SIAE: variants seen among roughly 807,000 people sequenced by gnomAD.
SIAE encodes sialate O-acetylesterase.
In SIAE, 39 loss-of-function variants were observed where a neutral mutation model predicts 52.6. The observed-to-expected ratio is 0.74, with a 90% CI of 0.57 to 0.97. SIAE has a LOEUF of 0.97. Ranked by LOEUF, SIAE falls within the 50% of genes least tolerant of loss-of-function variation. The probability of loss-of-function intolerance (pLI) is 0.00; values close to 1 mark genes in which losing one functional copy is unlikely to be tolerated. For synonymous variants in SIAE, 233 were observed against 241.4 expected, an observed-to-expected ratio of 0.97 and a Z score of 0.32; for missense variants, 592 against 662.1, an observed-to-expected ratio of 0.89 and a Z score of 1.16.
intron 7 of SIAE, among the ~76,000 whole-genome samples, chr11:124,646,024 A>G (rs781287684): frequency 1.3e-5 from 2 of 151,822 alleles, no homozygotes; most frequent in Non-Finnish European, 2.9e-5. Flanking sequence ...AGGAAAGCCT[A>G]CTCTGTTGTC....
chr11:124,665,825 A>G (rs1472220762), intron 2 of SIAE, among the ~76,000 whole-genome samples: 1 of 152,176 alleles, frequency 6.6e-6, no homozygotes, highest in Non-Finnish European at 1.5e-5. Context: ...TCTCAAAAGA[A>G]AAAAAGAGAA....
rs576708789 is a variant in SIAE at position 124,670,349 on chromosome 11, G to A, written c.68-828C>T. On this transcript the variant is annotated intron_variant, in intron 1 of 9. Coordinates refer to ENST00000263593, the MANE Select transcript of SIAE (RefSeq NM_170601.5). The surrounding 1 kb of genome is among the most constrained non-coding windows in gnomAD (Gnocchi z 4.5). ...CACTAACAAGACTGAATAAGAACTC[G>A]CTTTAACGACATCATTCCTATTTTT... 2.0e-5 allele frequency among the ~76,000 whole-genome samples: 3 copies of A among 152,218 alleles called. No individual in the cohort carries two copies. Among genetic ancestry groups the A allele is most frequent in the East Asian group, 3.9e-4 (2 of 5,182 alleles).
rs774554420 is a variant in SIAE, at chr11:124,669,361, T to G, written c.228A>C (p.Lys76Asn). ...TGAACGGAAGATGGGCTGCCTTACC[T>G]TTCACACTGGTCACTTTCTTCATGA... ...ETIMKKVTSVKAHSDTWMVVL... is the reference protein window; with the variant it reads ...ETIMKKVTSVNAHSDTWMVVL... The change falls in exon 2 of 10, where the codon AAA becomes AAC. Residue 76 changes from lysine (K) to asparagine (N), a missense_variant and splice_region_variant. Coordinates refer to ENST00000263593, the MANE Select transcript of SIAE (RefSeq NM_170601.5). 6.2e-7 allele frequency: 1 copy of G among 1,614,012 alleles called. No individual in the cohort carries two copies. Among genetic ancestry groups the G allele is most frequent in the Non-Finnish European group, 8.5e-7 (1 of 1,180,000 alleles).
intron 4 of SIAE, among the ~76,000 whole-genome samples, chr11:124,653,006 A>T (rs1010945280): frequency 1.3e-4 from 20 of 152,218 alleles, no homozygotes; most frequent in African/African-American, 4.8e-4. Context: ...ACATTATCCA[A>T]ATTTGATTGA....
At chr11:124,647,611 T>C (rs1942959238) in intron 6 of SIAE, 113 bp from the exon 7 acceptor site, 2 of 1,316,010 alleles carry the variant, frequency 1.5e-6, no homozygotes, top group East Asian at 2.4e-5. Flanking sequence ...ACGGTCTCTC[T>C]GGACTGGTCT....
chr11:124,642,677 C>G, intron 7 of SIAE, among the ~76,000 whole-genome samples: 1 of 152,156 alleles, frequency 6.6e-6, no homozygotes, highest in Non-Finnish European at 1.5e-5. Flanking sequence ...TTGATTCTAA[C>G]CAATAGGCTA....
intron 3 of SIAE, among the ~76,000 whole-genome samples, chr11:124,655,431 T>G (rs1310794512): frequency 6.6e-6 from 1 of 152,194 alleles, no homozygotes; most frequent in Non-Finnish European, 1.5e-5. Flanking sequence ...TGCCTTGGCC[T>G]CCCAGAGTGC....
intron 5 of SIAE, 29 bp downstream of exon 5, chr11:124,649,590 C>T: frequency 1.2e-6 from 2 of 1,612,932 alleles, no homozygotes; most frequent in Non-Finnish European, 1.7e-6. Context: ...CTGGTAGGCT[C>T]TTTCTCAGAC....
intron 4 of SIAE, among the ~76,000 whole-genome samples, chr11:124,651,969 G>A (rs971253869): frequency 5.3e-5 from 8 of 152,158 alleles, no homozygotes; most frequent in Non-Finnish European, 1.2e-4. Flanking sequence ...ACCAGCAACA[G>A]GAGTTTAACA....
At chr11:124,642,032 A>G (rs1413382762) in intron 7 of SIAE, among the ~76,000 whole-genome samples, 2 of 152,064 alleles carry the variant, frequency 1.3e-5, no homozygotes, top group Non-Finnish European at 2.9e-5. Context: ...TTAAGCAGCT[A>G]TTATAATATT....
chr11:124,660,898 A>G, intron 2 of SIAE, 95 bp from the exon 3 acceptor site: 1 of 1,426,902 alleles, frequency 7.0e-7, no homozygotes. Context: ...CAGCCTCTGT[A>G]ATAAACCGAA....
chr11:124,670,604 A>G lies in SIAE; in HGVS notation c.68-1083T>C, dbSNP rs541390653. 1.0e-3 allele frequency among the ~76,000 whole-genome samples: 157 copies of G among 152,360 alleles called. 2 individuals carry two copies. Among genetic ancestry groups the G allele is most frequent in the African/African-American group, 3.6e-3 (151 of 41,576 alleles). On this transcript the variant is annotated intron_variant, in intron 1 of 9. Coordinates refer to ENST00000263593, the MANE Select transcript of SIAE (RefSeq NM_170601.5). This position sits in a 1 kb window ranked among gnomAD's most constrained non-coding sequence, Gnocchi z 4.5. ...AAGAGAACCAGAATTAACAAGGCTG[A>G]CATTTTCCTCCCTGGAAGCTACAAA...
intron 2 of SIAE, among the ~76,000 whole-genome samples, chr11:124,663,530 T>C (rs376800692): frequency 2.0e-5 from 3 of 152,044 alleles, no homozygotes; most frequent in Non-Finnish European, 4.4e-5. Flanking sequence ...GCCGAGACTG[T>C]GCCACTGCAC....
intron 7 of SIAE, among the ~76,000 whole-genome samples, chr11:124,641,354 G>A (rs1028009979): frequency 6.6e-6 from 1 of 152,188 alleles, no homozygotes; most frequent in African/African-American, 2.4e-5. Context: ...ATGCAAAGGT[G>A]GGGAGGAGAA....
chr11:124,655,949 C>G (rs1221006849), intron 3 of SIAE, among the ~76,000 whole-genome samples: 1 of 152,094 alleles, frequency 6.6e-6, no homozygotes, highest in Admixed American at 6.5e-5. Flanking sequence ...ATGATGTCAA[C>G]AAGTGGAAAA....
intron 4 of SIAE, chr11:124,654,353 A>T (rs747623562): frequency 3.0e-6 from 3 of 985,384 alleles, no homozygotes; most frequent in Non-Finnish European, 3.6e-6. Context: ...GAAAGAAGAG[A>T]GGATTTGGAG....
chr11:124,634,927 A>G lies in SIAE; in HGVS notation c.*2024T>C, dbSNP rs1003886133. The G allele has an allele frequency of 4.6e-5, 7 of 152,254 alleles. No individual in the cohort carries two copies. The highest frequency in any genetic ancestry group is 7.3e-5 in the Non-Finnish European group (5 of 68,038). 9.4% of individuals were successfully genotyped at this position (152,254 alleles called of 1,614,324 possible). A position where few individuals can be genotyped will look rare whatever the true frequency, so the allele number is the denominator to read the frequency against. On this transcript the variant is annotated 3_prime_UTR_variant, in exon 10 of 10. Transcript: ENST00000263593. ...AGTGTCCAAATTTTCTACAGTGACT[A>G]TAAATTTCATTTTAAAACTAAAAAG...
rs1487953580 is a variant in SIAE at position 124,648,088 on chromosome 11, C to T, written c.810G>A (p.Leu270=). The change falls in exon 6 of 10, where the codon CTG becomes CTA. Residue 270 remains leucine, a synonymous_variant. Transcript: ENST00000263593. ...TACCCTGGTACCATACTACCCCTTT[C>T]AGAGTCATATTGCACAGTGGATGGA... is the stretch of plus-strand genomic sequence containing the variant. ...AMIHPLCNMT[L]KGVVWYQGES... is the part of the protein sequence containing the mutation. 6.2e-7 allele frequency: 1 copy of T among 1,613,876 alleles called. No individual in the cohort carries two copies. Among genetic ancestry groups the T allele is most frequent in the Admixed American group, 1.7e-5 (1 of 60,026 alleles).
At position 124,635,824 on chromosome 11, in the gene SIAE, A is replaced by G. The variant is rs1194497572; in HGVS notation, c.*1127T>C. On this transcript the variant is annotated 3_prime_UTR_variant, in exon 10 of 10. Coordinates refer to ENST00000263593, the MANE Select transcript of SIAE (RefSeq NM_170601.5). The stretch of plus-strand genomic sequence containing the variant: ...GTGATTATGCTTTTATTTATTTCCA[A>G]CTTCTTATAGGTAACATAATTTTCA... 6.6e-6 allele frequency: 1 copy of G among 152,172 alleles called. No homozygotes were observed. Among genetic ancestry groups the G allele is most frequent in the Non-Finnish European group, 1.5e-5 (1 of 68,022 alleles). 9.4% of individuals were successfully genotyped at this position (152,172 alleles called of 1,614,324 possible).
Sources: allele counts gnomAD v4.1 joint callset (sites outside exome capture counted in the v4.1 genomes callset), GRCh38; gene constraint gnomAD v4.1.1; non-coding constraint Gnocchi (gnomAD v3.1); transcripts MANE v1.5; gene names NCBI Gene and HGNC (gene_info 2026-07-23, HGNC 2026-07-21).